PDE4D: variants seen among roughly 807,000 people sequenced by gnomAD.
PDE4D encodes the protein 3',5'-cyclic-AMP phosphodiesterase 4D.
PDE4D carries 24 observed loss-of-function variants against 87.4 expected under a neutral mutation model. The ratio of observed to expected loss-of-function variants is 0.27; its 90% confidence interval spans 0.20 to 0.39. The LOEUF (loss-of-function observed/expected upper bound fraction) is 0.39, where lower values mean the gene tolerates loss of function less well. Ranked by LOEUF, PDE4D falls within the 10% of genes least tolerant of loss-of-function variation. The pLI is 1.00. For synonymous variants in PDE4D, 384 were observed against 383.2 expected (o/e 1.00, Z -0.02); for missense variants, 714 against 1,041.0 (o/e 0.69, Z 4.32).
At chr5:60,516,584 C>T (rs1247662667) in intron 1 of PDE4D, among the ~76,000 whole-genome samples, 2 of 152,264 alleles carry the variant, frequency 1.3e-5, no homozygotes, top group African/African-American at 4.8e-5. Context: ...TGAGCTATGC[C>T]ACTCAGAAGA....
chr5:60,267,041 C>T (rs1750285379), intron 1 of PDE4D, among the ~76,000 whole-genome samples: 1 of 152,208 alleles, frequency 6.6e-6, no homozygotes, highest in African/African-American at 2.4e-5. Flanking sequence ...ATGAAGATGA[C>T]AGTGGGGGAA....
chr5:60,059,760 C>T (rs1771191503), intron 2 of PDE4D, among the ~76,000 whole-genome samples: 1 of 151,966 alleles, frequency 6.6e-6, no homozygotes, highest in African/African-American at 2.4e-5. Flanking sequence ...AAGAGGACAC[C>T]CAGGAGACAG....
intron 1 of PDE4D, among the ~76,000 whole-genome samples, chr5:59,250,894 G>A (rs1323309614): frequency 3.9e-5 from 6 of 152,072 alleles, no homozygotes. Context: ...AGGACCATCT[G>A]ATCTTCGACA....
intron 1 of PDE4D, among the ~76,000 whole-genome samples, chr5:59,330,374 G>C (rs541830773): frequency 6.6e-6 from 1 of 151,924 alleles, no homozygotes. Flanking sequence ...GGACCCCATC[G>C]CTAAACTAGC....
chr5:59,395,472 G>A (rs1789215481), intron 1 of PDE4D, among the ~76,000 whole-genome samples: 1 of 152,124 alleles, frequency 6.6e-6, no homozygotes, highest in Admixed American at 6.6e-5. Flanking sequence ...GCAGGGGCAG[G>A]CTGACACCTC....
At chr5:59,678,148 ATGTCT>A (rs1748425732) in intron 1 of PDE4D, among the ~76,000 whole-genome samples, 2 of 152,178 alleles carry the variant, frequency 1.3e-5, no homozygotes, top group Admixed American at 1.3e-4. Context: ...GTAAAAAAAA[ATGTCT>A]TGGCTTGCTT....
intron 1 of PDE4D, among the ~76,000 whole-genome samples, chr5:60,485,692 A>C (rs1044960057): frequency 6.8e-6 from 1 of 146,040 alleles, no homozygotes; most frequent in Non-Finnish European, 1.5e-5. Context: ...AAGAAAGATC[A>C]ACTATTGCTG....
intron 1 of PDE4D, among the ~76,000 whole-genome samples, chr5:60,470,063 C>CTGAAAGAAAT (rs980563876): frequency 6.6e-6 from 1 of 152,094 alleles, no homozygotes; most frequent in South Asian, 2.1e-4. Context: ...GAGAAAAGTT[C>CTGAAAGAAAT]TGAAAGAAAT....
At chr5:59,434,974 G>A (rs1796601583) in intron 1 of PDE4D, among the ~76,000 whole-genome samples, 1 of 152,074 alleles carries the variant, frequency 6.6e-6, no homozygotes, top group Admixed American at 6.6e-5. Flanking sequence ...TTTTTCAGAT[G>A]AGAAAAACAA....
intron 2 of PDE4D, among the ~76,000 whole-genome samples, chr5:60,076,022 C>T (rs1246521982): frequency 6.6e-6 from 1 of 152,162 alleles, no homozygotes; most frequent in East Asian, 1.9e-4. Flanking sequence ...TATCAGCCAC[C>T]TCAGCCCAGT....
At chr5:59,791,951 C>A (rs1350936387) in intron 1 of PDE4D, among the ~76,000 whole-genome samples, 2 of 152,094 alleles carry the variant, frequency 1.3e-5, no homozygotes, top group Non-Finnish European at 2.9e-5. Flanking sequence ...ACTCTGACTA[C>A]ACAAAAATAA....
chr5:60,013,681 T>C (rs561072899), intron 2 of PDE4D, among the ~76,000 whole-genome samples: 1 of 152,326 alleles, frequency 6.6e-6, no homozygotes, highest in East Asian at 1.9e-4. Context: ...GGGTGACCCA[T>C]AATAAATGCT....
intron 1 of PDE4D, among the ~76,000 whole-genome samples, chr5:59,525,155 G>A (rs1812871914): frequency 6.6e-6 from 1 of 152,214 alleles, no homozygotes; most frequent in Non-Finnish European, 1.5e-5. Context: ...CTGCGCACCT[G>A]GAAAAGCTGC....
intron 1 of PDE4D, among the ~76,000 whole-genome samples, chr5:59,368,233 ATTAGCAT>A (rs1783390972): frequency 6.6e-6 from 1 of 152,254 alleles, no homozygotes; most frequent in Non-Finnish European, 1.5e-5. Flanking sequence ...AAAATAGGAA[ATTAGCAT>A]CTATGTTTGT....
chr5:59,052,309 A>G (rs1302249615), intron 5 of PDE4D, among the ~76,000 whole-genome samples: 1 of 152,166 alleles, frequency 6.6e-6, no homozygotes, highest in Non-Finnish European at 1.5e-5. Flanking sequence ...GTCCGCTGGC[A>G]TTGTTTTCAG....
intron 1 of PDE4D, among the ~76,000 whole-genome samples, chr5:60,206,132 C>T (rs1179817100): frequency 6.6e-6 from 1 of 152,164 alleles, no homozygotes; most frequent in Non-Finnish European, 1.5e-5. Context: ...TTCACTGGCA[C>T]TTTGACTTAT....
intron 5 of PDE4D, among the ~76,000 whole-genome samples, chr5:59,069,548 C>T (rs1404810506): frequency 6.6e-6 from 1 of 151,290 alleles, no homozygotes; most frequent in Non-Finnish European, 1.5e-5. Context: ...TGGGGAAGCC[C>T]TCTCCTTCCC....
intron 1 of PDE4D, among the ~76,000 whole-genome samples, chr5:60,251,743 T>C (rs1252187097): frequency 6.6e-6 from 1 of 151,920 alleles, no homozygotes; most frequent in Non-Finnish European, 1.5e-5. Flanking sequence ...AGTAATAGGA[T>C]TGCTGGGCCG....
chr5:60,415,983 G>A (rs1444446958), intron 1 of PDE4D, among the ~76,000 whole-genome samples: 1 of 152,166 alleles, frequency 6.6e-6, no homozygotes, highest in Non-Finnish European at 1.5e-5. Context: ...ACACCAATCA[G>A]CACCCTGTGT....
Sources: allele counts gnomAD v4.1 joint callset (sites outside exome capture counted in the v4.1 genomes callset), GRCh38; gene constraint gnomAD v4.1.1; transcripts MANE v1.5; gene names NCBI Gene and HGNC (gene_info 2026-07-23, HGNC 2026-07-21).